The following KHDRBS3 variants were observed in gnomAD, a reference collection of about 807,000 sequenced individuals.
The protein encoded by KHDRBS3 is KH domain-containing, RNA-binding, signal transduction-associated protein 3.
In KHDRBS3, 23 loss-of-function variants were observed where a neutral mutation model predicts 45.6. The ratio of observed to expected loss-of-function variants is 0.50; its 90% CI spans 0.36 to 0.72. KHDRBS3 has a LOEUF of 0.72. KHDRBS3 is among the 30% of genes least tolerant of loss of function. The probability of loss-of-function intolerance (pLI) is 0.00; values close to 1 mark genes in which losing one functional copy is unlikely to be tolerated. For missense variants in KHDRBS3, 352 were observed against 424.8 expected (o/e 0.83, Z 1.51); for synonymous variants, 162 against 156.5 (o/e 1.04, Z -0.26).
At chr8:135,644,528 C>G (rs1456331374) in intron 7 of KHDRBS3, among the ~76,000 whole-genome samples, 1 of 152,196 alleles carries the variant, frequency 6.6e-6, no homozygotes, top group Non-Finnish European at 1.5e-5. Flanking sequence ...CTATAAAGTA[C>G]AGCACCCACA....
intron 6 of KHDRBS3, among the ~76,000 whole-genome samples, chr8:135,596,325 A>G (rs1222316157): frequency 6.6e-6 from 1 of 152,210 alleles, no homozygotes; most frequent in Non-Finnish European, 1.5e-5. Context: ...AAAGAAATCT[A>G]GAGCCCAGAG....
At chr8:135,559,247 G>A (rs752362213) in intron 5 of KHDRBS3, among the ~76,000 whole-genome samples, 20 of 151,546 alleles carry the variant, frequency 1.3e-4, no homozygotes, top group Non-Finnish European at 2.8e-4. Flanking sequence ...GATTAGGACA[G>A]CATAATTTTG....
At chr8:135,644,729 G>A (rs971519392) in intron 7 of KHDRBS3, among the ~76,000 whole-genome samples, 11 of 152,194 alleles carry the variant, frequency 7.2e-5, no homozygotes, top group Admixed American at 5.9e-4. Flanking sequence ...CTCCCTCTCC[G>A]CAGACTCCCA....
chr8:135,520,097 G>C (rs1290226750), intron 1 of KHDRBS3, among the ~76,000 whole-genome samples: 1 of 152,140 alleles, frequency 6.6e-6, no homozygotes, highest in African/African-American at 2.4e-5. Flanking sequence ...CCTCCTCTTT[G>C]TCATCTGTCT....
intron 2 of KHDRBS3, among the ~76,000 whole-genome samples, chr8:135,532,894 AG>A (rs1586673947): frequency 2.0e-5 from 3 of 152,070 alleles, no homozygotes; most frequent in African/African-American, 7.2e-5. Context: ...TCCACAGTGC[AG>A]GTCTCACAAA....
intron 1 of KHDRBS3, among the ~76,000 whole-genome samples, chr8:135,500,046 A>T (rs1474200133): frequency 6.6e-6 from 1 of 152,214 alleles, no homozygotes; most frequent in African/African-American, 2.4e-5. Flanking sequence ...TTTAAAATGG[A>T]AAATCATGTT....
intron 2 of KHDRBS3, among the ~76,000 whole-genome samples, chr8:135,524,874 A>C (rs1302317770): frequency 2.6e-5 from 4 of 152,120 alleles, no homozygotes; most frequent in Admixed American, 2.6e-4. Context: ...TGTATGTAAA[A>C]ATATTTTTTT....
At chr8:135,539,932 A>G (rs1350726981) in intron 2 of KHDRBS3, 1 of 152,230 alleles carries the variant, frequency 6.6e-6, no homozygotes, top group Non-Finnish European at 1.5e-5. Flanking sequence ...AATGCTGTCA[A>G]GTGACCTTTA....
rs558752748 is a variant in KHDRBS3, at chr8:135,536,682, C to T, written c.208-5972C>T. The stretch of plus-strand genomic sequence containing the variant: ...ATGGACAGATTTAAGAGATGTTGGC[C>T]GGGCGCGGTGGCTCACGCCTGTAAT... On this transcript the variant is annotated intron_variant, in intron 2 of 8. Coordinates refer to ENST00000355849, the MANE Select transcript of KHDRBS3 (RefSeq NM_006558.3). 4.1e-3 allele frequency among the ~76,000 whole-genome samples: 619 copies of T among 152,086 alleles called. 3 individuals carry two copies. The highest frequency in any genetic ancestry group is 6.7e-3 in the Non-Finnish European group (457 of 67,992).
At chr8:135,486,085 A>C (rs1008543368) in intron 1 of KHDRBS3, among the ~76,000 whole-genome samples, 1 of 151,924 alleles carries the variant, frequency 6.6e-6, no homozygotes, top group African/African-American at 2.4e-5. Context: ...ATGCCCAGTC[A>C]TGAGGCACTC....
intron 6 of KHDRBS3, among the ~76,000 whole-genome samples, chr8:135,605,881 A>G (rs1033869529): frequency 1.3e-5 from 2 of 152,144 alleles, no homozygotes; most frequent in African/African-American, 4.8e-5. Context: ...GTGTAGGGAC[A>G]TACTTTTGTG....
At chr8:135,488,699 A>C (rs956110447) in intron 1 of KHDRBS3, among the ~76,000 whole-genome samples, 1 of 152,226 alleles carries the variant, frequency 6.6e-6, no homozygotes, top group African/African-American at 2.4e-5. Flanking sequence ...TTTGATCAGG[A>C]GTCTGGCTGT....
At chr8:135,633,038 C>G (rs1043058024) in intron 7 of KHDRBS3, among the ~76,000 whole-genome samples, 1 of 38,118 alleles carries the variant, frequency 2.6e-5, no homozygotes, top group African/African-American at 8.3e-5. Flanking sequence ...TTCTTCCAAT[C>G]TCTTAGCTGC....
intron 1 of KHDRBS3, among the ~76,000 whole-genome samples, chr8:135,469,589 C>T (rs1355891787): frequency 7.1e-6 from 1 of 140,576 alleles, no homozygotes; most frequent in Admixed American, 7.6e-5. Flanking sequence ...AGTGCAATGG[C>T]GCGGTCTTGG....
chr8:135,561,539 G>T (rs1586724542), intron 5 of KHDRBS3, among the ~76,000 whole-genome samples: 2 of 146,836 alleles, frequency 1.4e-5, no homozygotes, highest in African/African-American at 2.5e-5. Context: ...TAAGTAATAA[G>T]TTTTTTTTTT....
At chr8:135,590,836 A>T (rs1828710117) in intron 6 of KHDRBS3, among the ~76,000 whole-genome samples, 1 of 152,226 alleles carries the variant, frequency 6.6e-6, no homozygotes, top group African/African-American at 2.4e-5. Flanking sequence ...TGATTGCATC[A>T]GCTCTCTATT....
At chr8:135,537,923 C>T (rs1438658054) in intron 2 of KHDRBS3, among the ~76,000 whole-genome samples, 1 of 151,936 alleles carries the variant, frequency 6.6e-6, no homozygotes, top group Non-Finnish European at 1.5e-5. Flanking sequence ...AATAAAAAAT[C>T]AGGACATGGA....
chr8:135,488,447 G>A (rs1217477297), intron 1 of KHDRBS3, among the ~76,000 whole-genome samples: 1 of 152,074 alleles, frequency 6.6e-6, no homozygotes, highest in African/African-American at 2.4e-5. Flanking sequence ...GAGACAAAAA[G>A]TTTGCAGACC....
At chr8:135,467,412 A>G (rs1821752269) in intron 1 of KHDRBS3, among the ~76,000 whole-genome samples, 1 of 152,248 alleles carries the variant, frequency 6.6e-6, no homozygotes, top group Non-Finnish European at 1.5e-5. Flanking sequence ...TCACATGCTG[A>G]TGGCACCAGT....
Sources: gnomAD v4.1 joint callset for allele counts (sites outside exome capture counted in the v4.1 genomes callset) on GRCh38, gnomAD v4.1.1 for gene constraint, MANE v1.5 for transcripts, NCBI Gene and HGNC (gene_info 2026-07-23, HGNC 2026-07-21) for gene names.